CDKL3: variants seen among roughly 807,000 people sequenced by gnomAD.
CDKL3 encodes cyclin dependent kinase like 3, also known as cyclin-dependent kinase-like 3.
Under a neutral mutation model 69.3 loss-of-function variants are expected in CDKL3, and 65 were observed. That is an observed-to-expected ratio of 0.94 (90% confidence interval 0.77 to 1.15). The LOEUF (loss-of-function observed/expected upper bound fraction) is 1.15, where lower values mean the gene tolerates loss of function less well. Ranked by LOEUF, CDKL3 falls within the 50% of genes most tolerant of loss-of-function variation. The pLI, the probability that CDKL3 is intolerant of heterozygous loss-of-function variation, is 0.00. For synonymous variants in CDKL3, 202 were observed against 221.6 expected (o/e 0.91, Z 0.79); for missense variants, 652 against 689.2 (o/e 0.95, Z 0.61).
At chr5:134,290,353 C>CAAA (rs1212709645) in intron 8 of CDKL3, among the ~76,000 whole-genome samples, 19 of 24,750 alleles carry the variant, frequency 7.7e-4, no homozygotes, top group South Asian at 2.0e-3. Flanking sequence ...GACTCTGTCT[C>CAAA]AAAAAAAAAA....
At chr5:134,337,431 G>C (rs1021899282) in intron 4 of CDKL3, among the ~76,000 whole-genome samples, 1 of 152,196 alleles carries the variant, frequency 6.6e-6, no homozygotes, top group African/African-American at 2.4e-5. Context: ...CCCATCTTCT[G>C]CATTAGTCTT....
At chr5:134,358,473 A>G (rs930480089) in intron 3 of CDKL3, among the ~76,000 whole-genome samples, 6 of 152,182 alleles carry the variant, frequency 3.9e-5, no homozygotes, top group Admixed American at 3.9e-4. Flanking sequence ...AAGGCTCTAA[A>G]CAGATACAAA....
intron 3 of CDKL3, among the ~76,000 whole-genome samples, chr5:134,350,819 A>C (rs1753072466): frequency 6.9e-6 from 1 of 144,596 alleles, no homozygotes; most frequent in South Asian, 2.1e-4. Context: ...GTCTCTAAAA[A>C]AAGAAAAAAA....
chr5:134,347,983 C>G (rs1394660381), intron 4 of CDKL3, among the ~76,000 whole-genome samples: 3 of 152,020 alleles, frequency 2.0e-5, no homozygotes, highest in African/African-American at 7.3e-5. Flanking sequence ...CACTGTAAAC[C>G]ACTTAATTGT....
intron 2 of CDKL3, among the ~76,000 whole-genome samples, chr5:134,363,036 C>T (rs1756434909): frequency 6.6e-6 from 1 of 152,124 alleles, no homozygotes; most frequent in Admixed American, 6.6e-5. Flanking sequence ...AAGTTCATCT[C>T]TGTATTGTCA....
At chr5:134,348,254 TA>T (rs1752430388) in intron 4 of CDKL3, among the ~76,000 whole-genome samples, 1 of 152,110 alleles carries the variant, frequency 6.6e-6, no homozygotes, top group Non-Finnish European at 1.5e-5. Context: ...ATGATTACAA[TA>T]AAAATCAGTA....
intron 4 of CDKL3, among the ~76,000 whole-genome samples, chr5:134,322,527 T>G (rs886979713): frequency 4.6e-5 from 7 of 152,218 alleles, no homozygotes; most frequent in Non-Finnish European, 1.0e-4. Context: ...TATCCTAAGA[T>G]ATACTCACAT....
At chr5:134,336,705 T>G (rs1376327698) in intron 4 of CDKL3, among the ~76,000 whole-genome samples, 1 of 152,128 alleles carries the variant, frequency 6.6e-6, no homozygotes, top group Non-Finnish European at 1.5e-5. Flanking sequence ...GGAAGTTTCG[T>G]CCCAGAGGGG....
chr5:134,357,476 C>T lies in CDKL3; in HGVS notation c.360+2421G>A, dbSNP rs576109737. Among the ~76,000 whole-genome samples the T allele has an allele frequency of 4.7e-5, 7 of 147,746 alleles. No homozygotes were observed. The South Asian group carries it at 8.4e-4, about 18-fold the overall frequency. The stretch of plus-strand genomic sequence containing the variant: ...AATAAAATAAAATAAAATAAAAATA[C>T]AAAAATTAGCCGGGCCTGGTGGCAG... On this transcript the variant is annotated intron_variant, in intron 3 of 12. Coordinates refer to ENST00000265334, the MANE Select transcript of CDKL3 (RefSeq NM_001113575.2).
upstream of CDKL3, among the ~76,000 whole-genome samples, chr5:134,369,430 G>C (rs1219071987): frequency 3.3e-5 from 5 of 152,112 alleles, no homozygotes; most frequent in Non-Finnish European, 7.4e-5. Context: ...GGAAAGAGGG[G>C]GTAGGAGGAG....
intron 9 of CDKL3, 36 bp from the exon 10 acceptor site, chr5:134,306,738 T>G: frequency 4.0e-5 from 16 of 400,628 alleles, no homozygotes; most frequent in Non-Finnish European, 7.1e-5. Flanking sequence ...TTACTAAAAC[T>G]CCCCAGAAAT....
At chr5:134,314,364 A>G (rs1011871822) in intron 6 of CDKL3, among the ~76,000 whole-genome samples, 1 of 152,334 alleles carries the variant, frequency 6.6e-6, no homozygotes, top group Middle Eastern at 3.4e-3. Context: ...AATGTAAAAC[A>G]TGACACTTTG....
chr5:134,285,125 T>C (rs1163449543), downstream of CDKL3, among the ~76,000 whole-genome samples: 1 of 152,226 alleles, frequency 6.6e-6, no homozygotes, highest in East Asian at 1.9e-4. Context: ...TCGGGGCCCC[T>C]GACTTCCCGT....
chr5:134,344,522 A>G (rs1182810768), intron 4 of CDKL3, among the ~76,000 whole-genome samples: 2 of 152,234 alleles, frequency 1.3e-5, no homozygotes, highest in African/African-American at 4.8e-5. Context: ...ACAAATGGCC[A>G]ATAAGCACAC....
chr5:134,347,163 T>C (rs1336500114), intron 4 of CDKL3, among the ~76,000 whole-genome samples: 1 of 151,968 alleles, frequency 6.6e-6, no homozygotes, highest in African/African-American at 2.4e-5. Context: ...TTGTAACTTT[T>C]CTGTAAATCT....
At chr5:134,350,831 G>GAAAAAAAAAAAAAAAAAAA (rs112330114) in intron 3 of CDKL3, among the ~76,000 whole-genome samples, 2 of 82,282 alleles carry the variant, frequency 2.4e-5, no homozygotes, top group African/African-American at 3.9e-5. Flanking sequence ...AGAAAAAAAA[G>GAAAAAAAAAAAAAAAAAAA]AAAAAAAAAA....
intron 2 of CDKL3, among the ~76,000 whole-genome samples, chr5:134,363,829 T>G (rs1373261817): frequency 6.6e-6 from 1 of 151,914 alleles, no homozygotes; most frequent in Non-Finnish European, 1.5e-5. Context: ...CAGTGGCTCA[T>G]GCCTGTAATC....
intron 2 of CDKL3, among the ~76,000 whole-genome samples, chr5:134,363,520 G>A (rs1458953057): frequency 2.7e-5 from 4 of 149,480 alleles, no homozygotes; most frequent in East Asian, 3.9e-4. Flanking sequence ...GAGTGCAGTG[G>A]CGCAATCTCA....
chr5:134,350,309 T>C lies in CDKL3; in HGVS notation c.479A>G (p.Tyr160Cys), dbSNP rs1238321400. ...AGCTCTATACCAGCGTGTGGCCACA[T>C]AGTCCGTATAAATGTCCCCAGGAGC... Reference protein sequence around the residue: ...LAAPGDIYTDYVATRWYRAPE... With the variant: ...LAAPGDIYTDCVATRWYRAPE... Residue 160 changes from tyrosine (Y) to cysteine (C), a missense_variant, in exon 4 of 13, where the codon TAT becomes TGT. By Grantham distance (194) the Tyr-to-Cys change is radical. Coordinates refer to ENST00000265334, the MANE Select transcript of CDKL3 (RefSeq NM_001113575.2). 6 of 1,593,914 alleles carry C rather than the reference T, an allele frequency of 3.8e-6. No homozygotes were observed. The highest frequency in any genetic ancestry group is 1.1e-5 in the South Asian group (1 of 87,610).
Sources: allele counts gnomAD v4.1 joint callset (sites outside exome capture counted in the v4.1 genomes callset), GRCh38; gene constraint gnomAD v4.1.1; transcripts MANE v1.5; gene names NCBI Gene and HGNC (gene_info 2026-07-23, HGNC 2026-07-21).